Variants in CLYBL observed in about 807,000 individuals in gnomAD.
The protein encoded by CLYBL is citramalyl-CoA lyase, also known as citramalyl-CoA lyase, mitochondrial.
CLYBL carries 31 observed loss-of-function variants against 38.9 expected under a neutral mutation model. That is an observed-to-expected ratio of 0.80 (90% confidence interval 0.60 to 1.08). CLYBL has a LOEUF of 1.08. Ranked by LOEUF, CLYBL falls within the 50% of genes least tolerant of loss-of-function variation. The probability of loss-of-function intolerance (pLI) is 0.00; values close to 1 mark genes in which losing one functional copy is unlikely to be tolerated. For missense variants in CLYBL, 434 were observed against 411.6 expected (o/e 1.05, Z -0.47); for synonymous variants, 171 against 158.6 (o/e 1.08, Z -0.59).
At chr13:99,852,402 C>T (rs924146856) in intron 2 of CLYBL, among the ~76,000 whole-genome samples, 1 of 152,140 alleles carries the variant, frequency 6.6e-6, no homozygotes, top group Admixed American at 6.5e-5. Context: ...CCACGCCTGG[C>T]TTATGTTCTA....
intron 1 of CLYBL, among the ~76,000 whole-genome samples, chr13:99,708,964 G>A (rs936650949): frequency 6.6e-6 from 1 of 151,982 alleles, no homozygotes; most frequent in African/African-American, 2.4e-5. Flanking sequence ...GTGGTGGCAG[G>A]CACCTGTAGT....
chr13:99,661,255 G>T (rs1022714872), intron 1 of CLYBL, among the ~76,000 whole-genome samples: 1 of 152,022 alleles, frequency 6.6e-6, no homozygotes, highest in African/African-American at 2.4e-5. Flanking sequence ...AGAAAAAAAA[G>T]TAGAAGAATT....
intron 1 of CLYBL, among the ~76,000 whole-genome samples, chr13:99,640,542 A>G (rs568042145): frequency 6.6e-6 from 1 of 152,328 alleles, no homozygotes; most frequent in East Asian, 1.9e-4. Context: ...AGCTGTGAAA[A>G]CATTTAGCAG....
At chr13:99,668,585 CA>C (rs61178644) in intron 1 of CLYBL, among the ~76,000 whole-genome samples, 16 of 133,682 alleles carry the variant, frequency 1.2e-4, no homozygotes, top group Admixed American at 3.0e-4. Flanking sequence ...AACTCCATCT[CA>C]AAAAAAAAAA....
intron 7 of CLYBL, chr13:99,884,978 T>C (rs912284): frequency 0.82 from 391,357 of 477,824 alleles, 162,367 homozygotes; most frequent in African/African-American, 0.93. Context: ...TCTATTCAGG[T>C]AGGTCGGTAT....
At position 99,858,992 on chromosome 13, in the gene CLYBL, G is replaced by T; in HGVS notation, c.381G>T (p.Arg127=). The part of the protein sequence containing the change: ...EEDLETLLQS[R]VLPSSLMLPK... ...ACCTAGAGACCCTTTTGCAATCCCG[G>T]GTCCTTCCTTCCAGCCTGATGCTAC... is the stretch of plus-strand genomic sequence containing the variant. The change falls in exon 3 of 9, where the codon CGG becomes CGT. Residue 127 remains arginine, a synonymous_variant. Transcript: ENST00000339105. The T allele has an allele frequency of 6.2e-7, 1 of 1,614,046 alleles. No individual in the cohort carries two copies.
At chr13:99,784,955 G>T (rs566938316) in intron 2 of CLYBL, among the ~76,000 whole-genome samples, 1 of 151,244 alleles carries the variant, frequency 6.6e-6, no homozygotes, top group South Asian at 2.1e-4. Context: ...GCAATGGTGC[G>T]ATCTCTGCTC....
At chr13:99,712,214 T>G (rs930264262) in intron 1 of CLYBL, among the ~76,000 whole-genome samples, 1 of 152,180 alleles carries the variant, frequency 6.6e-6, no homozygotes, top group African/African-American at 2.4e-5. Flanking sequence ...ATACCCCTGA[T>G]ACACACTTCA....
intron 1 of CLYBL, among the ~76,000 whole-genome samples, chr13:99,752,465 T>C (rs2048975051): frequency 6.6e-6 from 1 of 152,132 alleles, no homozygotes; most frequent in Non-Finnish European, 1.5e-5. Flanking sequence ...GGGCTGATTT[T>C]TGCAGAAAAG....
At chr13:99,749,623 A>G (rs1486585767) in intron 1 of CLYBL, among the ~76,000 whole-genome samples, 1 of 152,226 alleles carries the variant, frequency 6.6e-6, no homozygotes, top group Non-Finnish European at 1.5e-5. Context: ...TTTCAGCACA[A>G]AACAGTGCAC....
chr13:99,817,878 C>T (rs1265503362), intron 2 of CLYBL, among the ~76,000 whole-genome samples: 1 of 151,936 alleles, frequency 6.6e-6, no homozygotes, highest in African/African-American at 2.4e-5. Flanking sequence ...GTGGCACACA[C>T]CTCTAGTCTT....
At chr13:99,715,028 C>T (rs1337695845) in intron 1 of CLYBL, among the ~76,000 whole-genome samples, 2 of 152,190 alleles carry the variant, frequency 1.3e-5, no homozygotes. Flanking sequence ...TGATGGGCCT[C>T]ACTGTAAGGT....
chr13:99,832,811 G>T (rs896837571), intron 2 of CLYBL, among the ~76,000 whole-genome samples: 4 of 149,680 alleles, frequency 2.7e-5, no homozygotes, highest in African/African-American at 9.9e-5. Flanking sequence ...AATTGAATTT[G>T]GGATATGTTA....
chr13:99,827,623 GC>G (rs774337548), intron 2 of CLYBL, among the ~76,000 whole-genome samples: 3 of 152,140 alleles, frequency 2.0e-5, no homozygotes, highest in East Asian at 1.9e-4. Context: ...CAACCACACT[GC>G]CCGCTCTCAG....
At chr13:99,875,396 C>G (rs1221436536) in intron 7 of CLYBL, among the ~76,000 whole-genome samples, 3 of 152,162 alleles carry the variant, frequency 2.0e-5, no homozygotes, top group African/African-American at 7.2e-5. Flanking sequence ...AGAAACTTTA[C>G]AAACAGTAAT....
rs755978438 is a variant in CLYBL, at chr13:99,866,270, T to C, written c.665T>C (p.Ile222Thr). The change falls in exon 6 of 9, where the codon ATT becomes ACT. Residue 222 changes from isoleucine (I) to threonine (T), a missense_variant. By Grantham distance (89) the Ile-to-Thr change is moderately conservative. Transcript: ENST00000339105. The stretch of plus-strand genomic sequence containing the variant: ...ACAAGTAGTAAAGAAACCCTGGATA[T>C]TCTCTACGCCCGGCAAAAGATTGTT... ...GATSSKETLD[I>T]LYARQKIVVI... The C allele has an allele frequency of 8.1e-6, 13 of 1,614,062 alleles. No individual in the cohort carries two copies. In the South Asian group the frequency reaches 1.3e-4, roughly 16 times the overall value.
intron 1 of CLYBL, among the ~76,000 whole-genome samples, chr13:99,714,343 G>A (rs2139503772): frequency 6.6e-6 from 1 of 152,292 alleles, no homozygotes; most frequent in East Asian, 1.9e-4. Context: ...CTGGCCTGGT[G>A]TGGTGGCTCA....
At chr13:99,853,376 C>T (rs2051378214) in intron 2 of CLYBL, among the ~76,000 whole-genome samples, 1 of 149,028 alleles carries the variant, frequency 6.7e-6, no homozygotes, top group African/African-American at 2.4e-5. Flanking sequence ...TCATGATTAA[C>T]ATATCAAAAA....
chr13:99,884,624 C>T (rs1327059903), intron 7 of CLYBL, among the ~76,000 whole-genome samples: 3 of 152,190 alleles, frequency 2.0e-5, no homozygotes, highest in Non-Finnish European at 4.4e-5. Context: ...GACTGGAAGC[C>T]CTGTGAGGTC....
Sources: allele counts gnomAD v4.1 joint callset (sites outside exome capture counted in the v4.1 genomes callset), GRCh38; gene constraint gnomAD v4.1.1; transcripts MANE v1.5; gene names NCBI Gene and HGNC (gene_info 2026-07-23, HGNC 2026-07-21).